Variants in RBPJ observed in about 807,000 individuals in gnomAD.
RBPJ encodes the protein recombination signal binding protein for immunoglobulin kappa J region.
In RBPJ, 9 loss-of-function variants were observed where a neutral mutation model predicts 67.8. That is an observed-to-expected ratio of 0.13 (90% confidence interval 0.08 to 0.23). RBPJ has a LOEUF of 0.23. RBPJ is among the 10% of genes least tolerant of loss of function. The pLI is 1.00. For synonymous variants in RBPJ, 198 were observed against 203.3 expected, an observed-to-expected ratio of 0.97 and a Z score of 0.22; for missense variants, 305 against 595.6, an observed-to-expected ratio of 0.51 and a Z score of 5.08.
intron 1 of RBPJ, among the ~76,000 whole-genome samples, chr4:26,290,382 C>G (rs1041736608): frequency 2.7e-5 from 4 of 147,886 alleles, no homozygotes; most frequent in African/African-American, 1.0e-4. Flanking sequence ...CCTTTTTGGA[C>G]CAATATGCTG....
At chr4:26,366,483 A>G (rs2109525907) in intron 1 of RBPJ, among the ~76,000 whole-genome samples, 1 of 152,134 alleles carries the variant, frequency 6.6e-6, no homozygotes, top group South Asian at 2.1e-4. Context: ...GAGGACAGTG[A>G]CATGATCTCA....
chr4:26,166,768 G>T (rs1375693951), intron 1 of RBPJ, among the ~76,000 whole-genome samples: 1 of 152,162 alleles, frequency 6.6e-6, no homozygotes, highest in Non-Finnish European at 1.5e-5. Context: ...TCCTTTTGGT[G>T]TTTTTGACAT....
In RBPJ at chr4:26,254,806, G is replaced by C. The variant is rs372699414; in HGVS notation, c.-167+91192G>C. On this transcript the variant is annotated intron_variant, in intron 1 of 4. Coordinates refer to the RBPJ transcript ENST00000512351. ...AATTCTCATTCCTTTGCCTCCAGAG[G>C]AGCTGGGACTACAGGTGCATGCCAC... Among the ~76,000 whole-genome samples the C allele has an allele frequency of 1.5e-3, 200 of 137,530 alleles. 22 individuals carry two copies. Among genetic ancestry groups the C allele is most frequent in the African/African-American group, 5.7e-3 (189 of 33,082 alleles). 90.2% of individuals were successfully genotyped at this position (137,530 alleles called of 152,430 possible).
chr4:26,270,177 G>A (rs1404484820), intron 1 of RBPJ, among the ~76,000 whole-genome samples: 4 of 150,958 alleles, frequency 2.6e-5, no homozygotes, highest in African/African-American at 9.8e-5. Context: ...AGCTACTTGG[G>A]AGGCTGAGGC....
At chr4:26,282,559 T>G (rs1460333726) in intron 1 of RBPJ, among the ~76,000 whole-genome samples, 2 of 152,078 alleles carry the variant, frequency 1.3e-5, no homozygotes, top group Admixed American at 1.3e-4. Flanking sequence ...TCACTGTTGT[T>G]GCCCAGGCTG....
intron 1 of RBPJ, among the ~76,000 whole-genome samples, chr4:26,281,203 G>A (rs1193505636): frequency 6.6e-6 from 1 of 152,118 alleles, no homozygotes; most frequent in East Asian, 1.9e-4. Flanking sequence ...GGCTTAATGG[G>A]TAGTATCTAA....
At chr4:26,259,006 GT>G (rs921716591) in intron 1 of RBPJ, among the ~76,000 whole-genome samples, 12 of 152,052 alleles carry the variant, frequency 7.9e-5, no homozygotes, top group African/African-American at 2.7e-4. Context: ...GTTTCACCAT[GT>G]TGGCCAGGAT....
intron 2 of RBPJ, among the ~76,000 whole-genome samples, chr4:26,397,534 C>T (rs566707955): frequency 6.6e-6 from 1 of 152,188 alleles, no homozygotes; most frequent in South Asian, 2.1e-4. Flanking sequence ...CAGGGATCAA[C>T]AAGCATTTTC....
At chr4:26,192,010 A>AT (rs35579283) in intron 1 of RBPJ, among the ~76,000 whole-genome samples, 83,337 of 142,670 alleles carry the variant, frequency 0.58, 24,624 homozygotes, top group African/African-American at 0.7. Context: ...ATTCTTTAAA[A>AT]TTTTTTTTTT....
At chr4:26,318,996 C>CAA (rs201084739), upstream of RBPJ, among the ~76,000 whole-genome samples, 142 of 83,808 alleles carry the variant, frequency 1.7e-3, 1 homozygote, top group Non-Finnish European at 2.5e-3. Context: ...GACTCCGTCT[C>CAA]AAAAAAAAAA....
In RBPJ at chr4:26,241,417, G is replaced by A. The variant is rs74709648; in HGVS notation, c.-167+77803G>A. 2.0e-3 allele frequency among the ~76,000 whole-genome samples: 307 copies of A among 152,280 alleles called. 1 individual carries two copies. Among genetic ancestry groups the A allele is most frequent in the African/African-American group, 7.1e-3 (296 of 41,570 alleles). ...AAAATTCCAGGCAAACTCAGAGGTT[G>A]AGGAACAGTTTAACGTGATTTATAC... is the stretch of plus-strand genomic sequence containing the variant. On this transcript the variant is annotated intron_variant, in intron 1 of 4. Coordinates refer to the RBPJ transcript ENST00000512351.
At chr4:26,296,592 G>A (rs1721882972) in intron 1 of RBPJ, among the ~76,000 whole-genome samples, 1 of 152,118 alleles carries the variant, frequency 6.6e-6, no homozygotes, top group African/African-American at 2.4e-5. Context: ...TTACTTTGAT[G>A]AATAACAAAT....
chr4:26,316,470 C>CAT (rs1206029592), upstream of RBPJ, among the ~76,000 whole-genome samples: 1,191 of 120,390 alleles, frequency 9.9e-3, 7 homozygotes, highest in African/African-American at 0.026. Flanking sequence ...TTCATATATA[C>CAT]ATTCATATAT....
intron 1 of RBPJ, among the ~76,000 whole-genome samples, chr4:26,334,570 A>G (rs1724610507): frequency 6.6e-6 from 1 of 152,180 alleles, no homozygotes; most frequent in Non-Finnish European, 1.5e-5. Flanking sequence ...GGCCTGGTCT[A>G]TAAGGATTGC....
At chr4:26,406,078 A>G in intron 2 of RBPJ, 97 bp from the exon 3 acceptor site, 1 of 717,812 alleles carries the variant, frequency 1.4e-6, no homozygotes, top group Admixed American at 2.5e-5. Flanking sequence ...TTTAAAAAAT[A>G]TTTATAAGCA....
At chr4:26,252,473 G>A (rs1720146819) in intron 1 of RBPJ, among the ~76,000 whole-genome samples, 1 of 149,458 alleles carries the variant, frequency 6.7e-6, no homozygotes, top group African/African-American at 2.6e-5. Flanking sequence ...TGTGGTCACA[G>A]CTCTCAGAAG....
intron 2 of RBPJ, among the ~76,000 whole-genome samples, chr4:26,403,267 A>G (rs535859680): frequency 8.4e-4 from 126 of 149,658 alleles, no homozygotes; most frequent in African/African-American, 2.8e-3. Flanking sequence ...TTTTCTCTGG[A>G]TCTTTAAAGA....
intron 1 of RBPJ, among the ~76,000 whole-genome samples, chr4:26,169,261 CT>C (rs1164321042): frequency 1.3e-5 from 2 of 152,052 alleles, no homozygotes; most frequent in Admixed American, 1.3e-4. Context: ...TGTGGATGTC[CT>C]TTCTGTTTGT....
At chr4:26,278,928 A>C (rs952771762) in intron 1 of RBPJ, among the ~76,000 whole-genome samples, 1 of 152,238 alleles carries the variant, frequency 6.6e-6, no homozygotes, top group Non-Finnish European at 1.5e-5. Context: ...AGGAGGCCAC[A>C]GTGCCTGGTG....
Sources: allele counts gnomAD v4.1 joint callset (sites outside exome capture counted in the v4.1 genomes callset), GRCh38; gene constraint gnomAD v4.1.1; transcripts MANE v1.5; gene names NCBI Gene and HGNC (gene_info 2026-07-23, HGNC 2026-07-21).